The following CD1C variants were observed in gnomAD, a reference collection of about 807,000 sequenced individuals.
CD1C encodes the protein CD1c molecule.
Under a neutral mutation model 39.4 loss-of-function variants are expected in CD1C, and 47 were observed. The observed-to-expected ratio is 1.19, with a 90% CI of 0.94 to 1.52. CD1C has a LOEUF of 1.52. CD1C is among the 40% of genes most tolerant of loss of function. The pLI, the probability that CD1C is intolerant of heterozygous loss-of-function variation, is 0.00. For synonymous variants in CD1C, 165 were observed against 150.8 expected, an observed-to-expected ratio of 1.09 and a Z score of -0.69; for missense variants, 417 against 395.2, an observed-to-expected ratio of 1.06 and a Z score of -0.47.
In CD1C at chr1:158,291,360, T is replaced by G; in HGVS notation, c.288T>G (p.Thr96=). The change falls in exon 2 of 6, where the codon ACT becomes ACG. Residue 96 remains threonine (T), a synonymous_variant. Coordinates refer to ENST00000368170, the MANE Select transcript of CD1C (RefSeq NM_001765.3). The part of the protein sequence containing the change: ...LLFRFYLFGL[T]REIQDHASQD... Reference sequence around the variant, plus strand: ...TTCGTTTCTACCTCTTTGGATTAACTCGGGAGATTCAAGACCATGCAAGTC... The same window carrying G: ...TTCGTTTCTACCTCTTTGGATTAACGCGGGAGATTCAAGACCATGCAAGTC... 2.5e-6 allele frequency: 4 copies of G among 1,614,122 alleles called. No homozygotes were observed. Among genetic ancestry groups the G allele is most frequent in the Non-Finnish European group, 3.4e-6 (4 of 1,179,974 alleles).
At position 158,292,499 on chromosome 1, in the gene CD1C, G is replaced by A. The variant is rs1053759782; in HGVS notation, c.611-97G>A. 4.7e-6 allele frequency: 7 copies of A among 1,495,912 alleles called. No individual in the cohort carries two copies. The African/African-American group carries it at 8.4e-5, about 18-fold the overall frequency. 92.7% of individuals were successfully genotyped at this position (1,495,912 alleles called of 1,614,324 possible). ...GCTGGGTAATAGTTTCTTAGAGGCA[G>A]GAAAAAGATAACTGTGCATATTCAT... On this transcript the variant is annotated intron_variant, in intron 3 of 5. Transcript: ENST00000368170.
At position 158,290,963 on chromosome 1, in the gene CD1C, C is replaced by T. The variant is rs530675976; in HGVS notation, c.62-171C>T. 3.9e-5 allele frequency among the ~76,000 whole-genome samples: 6 copies of T among 152,162 alleles called. No homozygotes were observed. The East Asian group carries it at 1.2e-3, about 29-fold the overall frequency. On this transcript the variant is annotated intron_variant, in intron 1 of 5. Transcript: ENST00000368170. ...TACCTCTCTCCAGGTCCAGTTTACT[C>T]TTTTAGAGGATGGTGGCAGAGCATG...
In CD1C at chr1:158,293,560, C is replaced by A; in HGVS notation, c.*84C>A. 6.2e-7 allele frequency: 1 copy of A among 1,613,920 alleles called. No individual in the cohort carries two copies. On this transcript the variant is annotated 3_prime_UTR_variant, in exon 6 of 6. Transcript: ENST00000368170. ...CAATATAGTGATGCCATCCCGTCGA[C>A]TCTCCATTTAAATTGTTTCTCTTTC...
In CD1C at chr1:158,290,125, G is replaced by T; in HGVS notation, c.61G>T (p.Ala21Ser). 1 of 1,612,532 alleles carries T rather than the reference G, an allele frequency of 6.2e-7. No homozygotes were observed. The highest frequency in any genetic ancestry group is 1.6e-4 in the Middle Eastern group (1 of 6,062). ...LLLPGGDNAD[A>S]SQEHVSFHVI... ...TCTCCCAGGTGGTGACAATGCAGAC[G>T]GTAAGAACATCGCTGTCAGCTGCAA... The change falls in exon 1 of 6, where the codon GCA becomes TCA. Residue 21 changes from alanine (A) to serine (S), a missense_variant and splice_region_variant. Coordinates refer to ENST00000368170, the MANE Select transcript of CD1C (RefSeq NM_001765.3).
chr1:158,293,445 T>A lies in CD1C; in HGVS notation c.981-10T>A. On this transcript the variant is annotated splice_polypyrimidine_tract_variant and intron_variant, in intron 5 of 5. Transcript: ENST00000368170. ...TATTCAGGGTTTCTCCCATTCCTGT[T>A]CCTTCACAGCTCATATCAGGACATC... 6.2e-7 allele frequency: 1 copy of A among 1,613,936 alleles called. No homozygotes were observed. Among genetic ancestry groups the A allele is most frequent in the Non-Finnish European group, 8.5e-7 (1 of 1,179,938 alleles).
chr1:158,291,816 C>T (rs1287071954), intron 2 of CD1C, among the ~76,000 whole-genome samples: 2 of 152,170 alleles, frequency 1.3e-5, no homozygotes, highest in Admixed American at 6.5e-5. Context: ...CCCCTTCACC[C>T]TCTATCCTAT....
In CD1C at chr1:158,291,379, G is replaced by A. The variant is rs766576259; in HGVS notation, c.307G>A (p.Ala103Thr). The A allele has an allele frequency of 6.2e-7, 1 of 1,614,056 alleles. No individual in the cohort carries two copies. Among genetic ancestry groups the A allele is most frequent in the South Asian group, 1.1e-5 (1 of 91,076 alleles). The change falls in exon 2 of 6, where the codon GCA becomes ACA. Residue 103 changes from alanine (A) to threonine (T), a missense_variant. Transcript: ENST00000368170. ...ATTAACTCGGGAGATTCAAGACCATGCAAGTCAAGATTACTCGAAATGTAA... is the reference window on the plus strand; with the variant it reads ...ATTAACTCGGGAGATTCAAGACCATACAAGTCAAGATTACTCGAAATGTAA... ...FGLTREIQDH[A>T]SQDYSKYPFE...
intron 4 of CD1C, 82 bp downstream of exon 4, chr1:158,292,956 C>A: frequency 7.3e-7 from 1 of 1,367,386 alleles, no homozygotes; most frequent in Non-Finnish European, 1.0e-6. Flanking sequence ...GATAGCAGAC[C>A]TAGGTGAGGG....
In CD1C at chr1:158,293,671, C is replaced by T. The variant is rs1360294831; in HGVS notation, c.*195C>T. 12 of 1,294,918 alleles carry T rather than the reference C, an allele frequency of 9.3e-6. No individual in the cohort carries two copies. The African/African-American group carries it at 1.5e-4, about 16-fold the overall frequency. 80.2% of individuals were successfully genotyped at this position (1,294,918 alleles called of 1,614,324 possible). A position where few individuals can be genotyped will look rare whatever the true frequency, so the allele number is the denominator to read the frequency against. Reference sequence around the variant, plus strand: ...CTCCACTTTTTATATAGCACTCAACCTTCAAAGCCCATTTCTGATGTCATT... The same window carrying T: ...CTCCACTTTTTATATAGCACTCAACTTTCAAAGCCCATTTCTGATGTCATT... On this transcript the variant is annotated 3_prime_UTR_variant, in exon 6 of 6. Transcript: ENST00000368170.
chr1:158,291,361 C>G lies in CD1C; in HGVS notation c.289C>G (p.Arg97Gly), dbSNP rs1651035192. The change falls in exon 2 of 6, where the codon CGG becomes GGG. Residue 97 changes from arginine to glycine, a missense_variant. Transcript: ENST00000368170. ...TCGTTTCTACCTCTTTGGATTAACT[C>G]GGGAGATTCAAGACCATGCAAGTCA... ...LFRFYLFGLT[R>G]EIQDHASQDY... 9 of 1,613,874 alleles carry G rather than the reference C, an allele frequency of 5.6e-6. No individual in the cohort carries two copies. Among genetic ancestry groups the G allele is most frequent in the Non-Finnish European group, 7.6e-6 (9 of 1,179,916 alleles).
rs1651028991 is a variant in CD1C, at chr1:158,291,227, A to G, written c.155A>G (p.Glu52Gly). Residue 52 changes from glutamate to glycine, a missense_variant, in exon 2 of 6, where the codon GAG (glutamate) becomes GGG (glycine). Physicochemically the swap from Glu to Gly is moderately conservative, Grantham distance 98. Coordinates refer to ENST00000368170, the MANE Select transcript of CD1C (RefSeq NM_001765.3). ...GGTCAGGGCTCAGGATGGCTGGACGAGTTGCAGACTCATGGCTGGGACAGT... is the reference window on the plus strand; with the variant it reads ...GGTCAGGGCTCAGGATGGCTGGACGGGTTGCAGACTCATGGCTGGGACAGT... ...ARGQGSGWLD[E>G]LQTHGWDSES... is the part of the protein sequence containing the mutation. The G allele has an allele frequency of 6.2e-7, 1 of 1,613,948 alleles. No homozygotes were observed. The highest frequency in any genetic ancestry group is 8.5e-7 in the Non-Finnish European group (1 of 1,180,020).
Position 158,292,744 on chromosome 1 carries a change from T to C in CD1C, c.759T>C (p.Asp253=). Reference sequence around the variant, plus strand: ...AGCAACTGGGCACTAAACATGGTGATATTCTTCCTAATGCTGATGGGACAT... The same window carrying C: ...AGCAACTGGGCACTAAACATGGTGACATTCTTCCTAATGCTGATGGGACAT... ...EQEQLGTKHG[D]ILPNADGTWY... The change falls in exon 4 of 6, where the codon GAT becomes GAC. Residue 253 remains aspartate, a synonymous_variant. Transcript: ENST00000368170. The C allele has an allele frequency of 6.2e-7, 1 of 1,614,212 alleles. No individual in the cohort carries two copies. Among genetic ancestry groups the C allele is most frequent in the Non-Finnish European group, 8.5e-7 (1 of 1,180,036 alleles).
rs1483866703 is a variant in CD1C at position 158,294,216 on chromosome 1, C to A, written c.*740C>A. On this transcript the variant is annotated 3_prime_UTR_variant, in exon 6 of 6. Transcript: ENST00000368170. ...GAAAAGGAACAAGAGATTTGGTCCT[C>A]AGGGTTGGAGTGGGATCAAGGCAAC... Among the ~76,000 whole-genome samples the A allele has an allele frequency of 6.6e-6, 1 of 152,190 alleles. No individual in the cohort carries two copies. Among genetic ancestry groups the A allele is most frequent in the African/African-American group, 2.4e-5 (1 of 41,448 alleles).
rs750112457 is a variant in CD1C at position 158,292,187 on chromosome 1, C to A, written c.432C>A (p.Phe144Leu). 2 of 1,614,026 alleles carry A rather than the reference C, an allele frequency of 1.2e-6. No individual in the cohort carries two copies. The highest frequency in any genetic ancestry group is 1.7e-6 in the Non-Finnish European group (2 of 1,180,036). Residue 144 changes from phenylalanine to leucine, a missense_variant, in exon 3 of 6, where the codon TTC (phenylalanine) becomes TTA (leucine). Physicochemically the swap from Phe to Leu is conservative, Grantham distance 22. Transcript: ENST00000368170. ...VAFNGLDLLS[F>L]QNTTWVPSPG... ...TCAACGGATTAGATTTACTGAGTTT[C>A]CAGAATACAACATGGGTGCCATCTC...
At chr1:158,293,063 T>G (rs1440062089) in intron 4 of CD1C, 149 bp from the exon 5 acceptor site, 1 of 880,800 alleles carries the variant, frequency 1.1e-6, no homozygotes. Context: ...TGAGGAATCC[T>G]TCCTTGAGTA....
chr1:158,292,604 G>C lies in CD1C; in HGVS notation c.619G>C (p.Glu207Gln). 6.2e-7 allele frequency: 1 copy of C among 1,612,606 alleles called. No homozygotes were observed. The highest frequency in any genetic ancestry group is 1.1e-5 in the South Asian group (1 of 91,000). The change falls in exon 4 of 6, where the codon GAA becomes CAA. Residue 207 changes from glutamate to glutamine, a missense_variant. Coordinates refer to ENST00000368170, the MANE Select transcript of CD1C (RefSeq NM_001765.3). ...KMYVHRQVRP[E>Q]AWLSSRPSLG... Reference sequence around the variant, plus strand: ...TTTTCTGCTCTCTGCAGTGAGGCCAGAAGCCTGGCTGTCCAGTCGCCCCAG... The same window carrying C: ...TTTTCTGCTCTCTGCAGTGAGGCCACAAGCCTGGCTGTCCAGTCGCCCCAG...
In CD1C at chr1:158,293,800, A is replaced by G. The variant is rs1045225183; in HGVS notation, c.*324A>G. On this transcript the variant is annotated 3_prime_UTR_variant, in exon 6 of 6. Transcript: ENST00000368170. The stretch of plus-strand genomic sequence containing the variant: ...TGTGTTGCAGCTACTTGAGTCTTTC[A>G]TTTCACATTTTTAAGCTTTTAGGAG... Among the ~76,000 whole-genome samples, 2 of 152,082 alleles carry G rather than the reference A, an allele frequency of 1.3e-5. No individual in the cohort carries two copies. Among genetic ancestry groups the G allele is most frequent in the South Asian group, 4.2e-4 (2 of 4,818 alleles).
At position 158,293,706 on chromosome 1, in the gene CD1C, G is replaced by A. The variant is rs1017653366; in HGVS notation, c.*230G>A. 4 of 1,002,642 alleles carry A rather than the reference G, an allele frequency of 4.0e-6. No homozygotes were observed. The highest frequency in any genetic ancestry group is 1.6e-5 in the African/African-American group (1 of 62,172). The allele number at this position is 1,002,642 out of a possible 1,614,324, so 62.1% of individuals were successfully genotyped here. On this transcript the variant is annotated 3_prime_UTR_variant, in exon 6 of 6. Transcript: ENST00000368170. ...CATTTCTGATGTCATTTCCTCCAACGATCTTCCTTGACCCATACTGAACCC... is the reference window on the plus strand; with the variant it reads ...CATTTCTGATGTCATTTCCTCCAACAATCTTCCTTGACCCATACTGAACCC...
chr1:158,293,659 A>G lies in CD1C; in HGVS notation c.*183A>G, dbSNP rs371823320. 1.3e-5 allele frequency: 19 copies of G among 1,413,246 alleles called. No individual in the cohort carries two copies. The highest frequency in any genetic ancestry group is 1.7e-4 in the Middle Eastern group (1 of 5,726). The allele number at this position is 1,413,246 out of a possible 1,614,324, so 87.5% of individuals were successfully genotyped here. A position where few individuals can be genotyped will look rare whatever the true frequency, so the allele number is the denominator to read the frequency against. Reference sequence around the variant, plus strand: ...TTTTCTTGGAATCTCCACTTTTTATATAGCACTCAACCTTCAAAGCCCATT... The same window carrying G: ...TTTTCTTGGAATCTCCACTTTTTATGTAGCACTCAACCTTCAAAGCCCATT... On this transcript the variant is annotated 3_prime_UTR_variant, in exon 6 of 6. Coordinates refer to ENST00000368170, the MANE Select transcript of CD1C (RefSeq NM_001765.3).
Sources: allele counts gnomAD v4.1 joint callset (sites outside exome capture counted in the v4.1 genomes callset), GRCh38; gene constraint gnomAD v4.1.1; transcripts MANE v1.5; gene names NCBI Gene and HGNC (gene_info 2026-07-23, HGNC 2026-07-21).